The following ADCY9 variants were observed in gnomAD, a reference collection of about 807,000 sequenced individuals.
ADCY9 encodes the protein adenylate cyclase 9.
ADCY9 carries 50 observed loss-of-function variants against 101.5 expected under a neutral mutation model. That is an observed-to-expected ratio of 0.49 (90% confidence interval 0.39 to 0.62). The LOEUF is 0.62. Among genes scored for constraint, ADCY9 ranks in the 20% least tolerant of loss-of-function variants. ADCY9 has a pLI of 0.00. For missense variants in ADCY9, 1,662 were observed against 1,800.4 expected (o/e 0.92, Z 1.39); for synonymous variants, 905 against 769.3 (o/e 1.18, Z -2.92).
At chr16:4,072,341 A>T (rs552871741) in intron 2 of ADCY9, among the ~76,000 whole-genome samples, 12 of 152,328 alleles carry the variant, frequency 7.9e-5, no homozygotes, top group African/African-American at 2.9e-4. Flanking sequence ...AAACCCTCTG[A>T]GATTTCCAGC....
Position 4,045,635 on chromosome 16 carries a change from G to C in ADCY9, c.1694-38077C>G, listed in dbSNP as rs1054193848. Among the ~76,000 whole-genome samples the C allele has an allele frequency of 7.6e-4, 97 of 127,612 alleles. 1 individual carries two copies. Among genetic ancestry groups the C allele is most frequent in the African/African-American group, 2.6e-3 (90 of 34,712 alleles). 83.7% of individuals were successfully genotyped at this position (127,612 alleles called of 152,430 possible). On this transcript the variant is annotated intron_variant, in intron 2 of 10. Transcript: ENST00000294016. ...AAAAAAAAAAGAGCCAAATAATTTT[G>C]CCTCCCAATTTGCTGCATCCATCCA...
rs188378381 is a variant in ADCY9 at position 4,028,199 on chromosome 16, C to T, written c.1694-20641G>A. On this transcript the variant is annotated intron_variant, in intron 2 of 10. Coordinates refer to ENST00000294016, the MANE Select transcript of ADCY9 (RefSeq NM_001116.4). ...ATAGCAAGAGAAAAAAGTCAGTTCA[C>T]AAATGATAATTAGCAAAATAAAATT... Among the ~76,000 whole-genome samples, 999 of 152,286 alleles carry T rather than the reference C, an allele frequency of 6.6e-3. 18 individuals are homozygous for T. The highest frequency in any genetic ancestry group is 0.023 in the African/African-American group (950 of 41,548).
chr16:3,987,811 G>T (rs2056206311), intron 6 of ADCY9, among the ~76,000 whole-genome samples: 1 of 152,150 alleles, frequency 6.6e-6, no homozygotes, highest in Non-Finnish European at 1.5e-5. Flanking sequence ...TTTTGTTCCG[G>T]GTGGGGAGGG....
chr16:4,023,886 G>C lies in ADCY9; in HGVS notation c.1694-16328C>G, dbSNP rs955263453. Among the ~76,000 whole-genome samples, 4 of 152,198 alleles carry C rather than the reference G, an allele frequency of 2.6e-5. No individual in the cohort carries two copies. The South Asian group carries it at 6.2e-4, about 24-fold the overall frequency. ...GATTACGCCACTGCACTCCAGCCTGGGGGACGGTAGGAGACTCTGTCTCAA... is the reference window on the plus strand; with the variant it reads ...GATTACGCCACTGCACTCCAGCCTGCGGGACGGTAGGAGACTCTGTCTCAA... On this transcript the variant is annotated intron_variant, in intron 2 of 10. Coordinates refer to ENST00000294016, the MANE Select transcript of ADCY9 (RefSeq NM_001116.4).
At position 3,953,485 on chromosome 16, in the gene ADCY9, T is replaced by TG; in HGVS notation, c.598dup (p.Lys201GlnfsTer?). 1 of 152,298 alleles carries TG rather than the reference T, an allele frequency of 6.6e-6. No homozygotes were observed. The highest frequency in any genetic ancestry group is 1.5e-5 in the Non-Finnish European group (1 of 68,016). 9.4% of individuals were successfully genotyped at this position (152,298 alleles called of 1,614,324 possible). A position where few individuals can be genotyped will look rare whatever the true frequency, so the allele number is the denominator to read the frequency against. Reference sequence around the variant, plus strand: ...TCTTCCTGTGAACTGAAGGGAAACTTGGAGTCTCCCTCTCCACAGGGTTCT... The same window carrying TG: ...TCTTCCTGTGAACTGAAGGGAAACTTGGGAGTCTCCCTCTCCACAGGGTTCT... On this transcript the variant is annotated frameshift_variant, in exon 6 of 6. Transcript: ENST00000576936. LOFTEE classifies it low-confidence loss of function (END_TRUNC).
intron 2 of ADCY9, 72 bp downstream of exon 2, chr16:4,113,678 G>A (rs2057127829): frequency 6.6e-7 from 1 of 1,520,480 alleles, no homozygotes; most frequent in South Asian, 1.3e-5. Context: ...ACTGAGGCTG[G>A]AAGCTTTTTT....
At chr16:4,095,361 C>T (rs565990977) in intron 2 of ADCY9, among the ~76,000 whole-genome samples, 5 of 151,716 alleles carry the variant, frequency 3.3e-5, no homozygotes, top group Non-Finnish European at 7.4e-5. Flanking sequence ...ATGTGGGGGA[C>T]AACTAGAGGA....
At position 4,113,733 on chromosome 16, in the gene ADCY9, T is replaced by C. The variant is rs2141211592; in HGVS notation, c.1693+17A>G. 6.3e-7 allele frequency: 1 copy of C among 1,598,514 alleles called. No individual in the cohort carries two copies. The highest frequency in any genetic ancestry group is 8.6e-7 in the Non-Finnish European group (1 of 1,168,712). ...GGATCAGGGAGGGGGGATGCCGAGG[T>C]AAAGCAGTGCACATACCTTTCAACT... is the stretch of plus-strand genomic sequence containing the variant. On this transcript the variant is annotated intron_variant, in intron 2 of 10. Coordinates refer to ENST00000294016, the MANE Select transcript of ADCY9 (RefSeq NM_001116.4).
intron 2 of ADCY9, among the ~76,000 whole-genome samples, chr16:4,058,780 T>G (rs1352038578): frequency 6.6e-6 from 1 of 152,134 alleles, no homozygotes; most frequent in Non-Finnish European, 1.5e-5. Flanking sequence ...CCCTCCGTCT[T>G]AGAATTCTGT....
rs3730094 is a variant in ADCY9 at position 4,115,293 on chromosome 16, G to A, written c.150C>T (p.Ile50=). 1 of 1,613,778 alleles carries A rather than the reference G, an allele frequency of 6.2e-7. No homozygotes were observed. The highest frequency in any genetic ancestry group is 1.3e-5 in the African/African-American group (1 of 74,936). ...CCCCAGAGCTGCTGCAGCTAGAGGA[G>A]ATGCTGTATTTGCAGTGCTTGGGGT... The part of the protein sequence containing the change: ...NSHPKHCKYS[I]SSSCSSSGDS... The change falls in exon 2 of 11, where the codon ATC becomes ATT. Residue 50 remains isoleucine, a synonymous_variant. Coordinates refer to ENST00000294016, the MANE Select transcript of ADCY9 (RefSeq NM_001116.4). The surrounding 1 kb of genome is among the most constrained non-coding windows in gnomAD (Gnocchi z 6.2).
chr16:4,047,836 G>A (rs989166063), intron 2 of ADCY9, among the ~76,000 whole-genome samples: 2 of 152,244 alleles, frequency 1.3e-5, no homozygotes, highest in African/African-American at 4.8e-5. Flanking sequence ...TGGGATTACA[G>A]GCGTGAGCCA....
chr16:4,041,005 T>C (rs568148211), intron 2 of ADCY9, among the ~76,000 whole-genome samples: 2 of 152,140 alleles, frequency 1.3e-5, no homozygotes, highest in Admixed American at 6.5e-5. Context: ...TGAAGGTAAA[T>C]ACCCCTTCAA....
intron 2 of ADCY9, among the ~76,000 whole-genome samples, chr16:4,038,007 T>C (rs1298150287): frequency 6.6e-6 from 1 of 151,456 alleles, no homozygotes; most frequent in African/African-American, 2.5e-5. Context: ...GCACAGTGGC[T>C]CAACACCTGT....
chr16:4,048,791 T>G (rs756270261), intron 2 of ADCY9, among the ~76,000 whole-genome samples: 1 of 151,974 alleles, frequency 6.6e-6, no homozygotes, highest in African/African-American at 2.4e-5. Context: ...AGGGTTCCCA[T>G]AGACGGCACT....
At chr16:4,003,272 G>C (rs968675518) in intron 3 of ADCY9, among the ~76,000 whole-genome samples, 3 of 152,156 alleles carry the variant, frequency 2.0e-5, no homozygotes, top group Non-Finnish European at 4.4e-5. Flanking sequence ...CGGAACCGTG[G>C]AGAAGATGGG....
intron 2 of ADCY9, among the ~76,000 whole-genome samples, chr16:4,036,984 A>G (rs1296857904): frequency 6.6e-6 from 1 of 152,038 alleles, no homozygotes; most frequent in East Asian, 1.9e-4. Context: ...CACATATAAG[A>G]ACATGCAATA....
intron 2 of ADCY9, among the ~76,000 whole-genome samples, chr16:4,057,017 G>T (rs966089369): frequency 2.2e-5 from 3 of 133,614 alleles, no homozygotes; most frequent in Admixed American, 8.4e-5. Flanking sequence ...GTTCTTTCAG[G>T]TAACCTGTAC....
intron 2 of ADCY9, among the ~76,000 whole-genome samples, chr16:4,082,623 C>T (rs1323298963): frequency 1.3e-5 from 2 of 151,094 alleles, no homozygotes; most frequent in South Asian, 2.1e-4. Flanking sequence ...CGCACACACA[C>T]ATGCAGGCAC....
chr16:3,977,670 C>T (rs775450035), intron 8 of ADCY9, 40 bp from the exon 9 acceptor site: 18 of 1,585,348 alleles, frequency 1.1e-5, no homozygotes, highest in Non-Finnish European at 8.6e-7. Flanking sequence ...CCCAGGGCCA[C>T]CCCGCCACCC....
Sources: allele counts gnomAD v4.1 joint callset (sites outside exome capture counted in the v4.1 genomes callset), GRCh38; gene constraint gnomAD v4.1.1; non-coding constraint Gnocchi (gnomAD v3.1); transcripts MANE v1.5; gene names NCBI Gene and HGNC (gene_info 2026-07-23, HGNC 2026-07-21).